GPC6: variants seen among roughly 807,000 people sequenced by gnomAD.
GPC6 encodes the protein glypican-6.
Under a neutral mutation model 55.2 loss-of-function variants are expected in GPC6, and 14 were observed. The ratio of observed to expected loss-of-function variants is 0.25; its 90% CI spans 0.17 to 0.40. The LOEUF is 0.40. Among genes scored for constraint, GPC6 ranks in the 10% least tolerant of loss-of-function variants. The probability of loss-of-function intolerance (pLI) is 1.00; values close to 1 mark genes in which losing one functional copy is unlikely to be tolerated. For missense variants in GPC6, 641 were observed against 708.5 expected, an observed-to-expected ratio of 0.90 and a Z score of 1.08; for synonymous variants, 278 against 259.6, an observed-to-expected ratio of 1.07 and a Z score of -0.68.
At chr13:93,916,135 G>T (rs1342685161) in intron 3 of GPC6, among the ~76,000 whole-genome samples, 1 of 152,102 alleles carries the variant, frequency 6.6e-6, no homozygotes, top group Non-Finnish European at 1.5e-5. Flanking sequence ...AGTAGCCAGT[G>T]CAGTGATGTG....
At chr13:93,441,148 C>A (rs1877782646) in intron 1 of GPC6, among the ~76,000 whole-genome samples, 1 of 152,126 alleles carries the variant, frequency 6.6e-6, no homozygotes, top group South Asian at 2.1e-4. Flanking sequence ...AGTGCCACAA[C>A]AAACATATGT....
At chr13:93,970,136 T>C (rs981497514) in intron 3 of GPC6, among the ~76,000 whole-genome samples, 1 of 152,184 alleles carries the variant, frequency 6.6e-6, no homozygotes, top group African/African-American at 2.4e-5. Context: ...TATTTATTCT[T>C]TTCGATTTTT....
At chr13:93,627,748 T>G (rs956563962) in intron 2 of GPC6, among the ~76,000 whole-genome samples, 7 of 152,238 alleles carry the variant, frequency 4.6e-5, no homozygotes, top group Non-Finnish European at 8.8e-5. Context: ...CTAGCTCCAA[T>G]TTTCCCATAA....
chr13:93,908,636 T>C (rs1876800256), intron 3 of GPC6, among the ~76,000 whole-genome samples: 1 of 152,194 alleles, frequency 6.6e-6, no homozygotes. Flanking sequence ...GAGTAACAAA[T>C]GCTGCCTCAA....
intron 2 of GPC6, among the ~76,000 whole-genome samples, chr13:93,699,220 G>A (rs1431755489): frequency 1.3e-5 from 2 of 152,052 alleles, no homozygotes; most frequent in East Asian, 3.9e-4. Flanking sequence ...CCAAGATTGC[G>A]AAGTTTAAGT....
At chr13:93,276,495 A>T (rs9523988) in intron 1 of GPC6, among the ~76,000 whole-genome samples, 22,991 of 93,720 alleles carry the variant, frequency 0.25, 2,417 homozygotes, top group Middle Eastern at 0.29. Context: ...AGAGAGAGAG[A>T]GTGTGTGTGT....
chr13:93,802,966 A>T (rs776052562), intron 2 of GPC6, among the ~76,000 whole-genome samples: 1 of 152,162 alleles, frequency 6.6e-6, no homozygotes, highest in Non-Finnish European at 1.5e-5. Flanking sequence ...GTCTGAAAAC[A>T]TGTTATTTTT....
At chr13:93,991,027 A>G (rs1157701289) in intron 3 of GPC6, among the ~76,000 whole-genome samples, 1 of 151,884 alleles carries the variant, frequency 6.6e-6, no homozygotes, top group African/African-American at 2.4e-5. Flanking sequence ...TATTTTACTG[A>G]TATTTTTAAA....
intron 4 of GPC6, among the ~76,000 whole-genome samples, chr13:94,215,114 A>T (rs868386619): frequency 6.6e-6 from 1 of 152,222 alleles, no homozygotes; most frequent in Non-Finnish European, 1.5e-5. Context: ...CATTACTTCT[A>T]AAGTTTCCTC....
intron 6 of GPC6, among the ~76,000 whole-genome samples, chr13:94,322,200 C>G (rs959798351): frequency 1.3e-5 from 2 of 152,164 alleles, no homozygotes; most frequent in African/African-American, 4.8e-5. Context: ...TAAGAGGTTT[C>G]CCCTTTTGCT....
At chr13:94,144,547 ATGTGTGTG>A (rs67016286) in intron 4 of GPC6, among the ~76,000 whole-genome samples, 55 of 148,112 alleles carry the variant, frequency 3.7e-4, no homozygotes, top group Middle Eastern at 3.4e-3. Context: ...GTGTGTGTGT[ATGTGTGTG>A]TGTGTGTGTG....
chr13:93,622,696 G>T lies in GPC6; in HGVS notation c.319+77275G>T, dbSNP rs74111510. 2.8e-3 allele frequency among the ~76,000 whole-genome samples: 426 copies of T among 152,198 alleles called. 3 individuals are homozygous for T. Among genetic ancestry groups the T allele is most frequent in the African/African-American group, 9.5e-3 (396 of 41,522 alleles). Reference sequence around the variant, plus strand: ...TAATGTTTTAATACATGTATACATTGTACCATGATCTAATCAGGGTAATTA... The same window carrying T: ...TAATGTTTTAATACATGTATACATTTTACCATGATCTAATCAGGGTAATTA... On this transcript the variant is annotated intron_variant, in intron 2 of 8. Transcript: ENST00000377047.
At chr13:94,055,426 G>A (rs1566344898) in intron 4 of GPC6, among the ~76,000 whole-genome samples, 1 of 152,004 alleles carries the variant, frequency 6.6e-6, no homozygotes, top group Non-Finnish European at 1.5e-5. Flanking sequence ...AATCACTACA[G>A]AAAGGACAAC....
chr13:93,422,532 C>G (rs1313906557), intron 1 of GPC6, among the ~76,000 whole-genome samples: 6 of 152,124 alleles, frequency 3.9e-5, no homozygotes, highest in Non-Finnish European at 8.8e-5. Flanking sequence ...CAAAAATCAC[C>G]TACAATCTAT....
chr13:93,678,537 T>C (rs893947193), intron 2 of GPC6, among the ~76,000 whole-genome samples: 1 of 152,176 alleles, frequency 6.6e-6, no homozygotes, highest in African/African-American at 2.4e-5. Flanking sequence ...CTACAAATGG[T>C]ACCAGTGTAT....
chr13:94,313,331 A>G (rs1392296857), intron 6 of GPC6, among the ~76,000 whole-genome samples: 1 of 152,194 alleles, frequency 6.6e-6, no homozygotes, highest in Non-Finnish European at 1.5e-5. Flanking sequence ...ATTCAATGGT[A>G]TGCACTGTTG....
chr13:93,875,375 T>A (rs1355614191), intron 3 of GPC6, among the ~76,000 whole-genome samples: 2 of 152,078 alleles, frequency 1.3e-5, no homozygotes, highest in African/African-American at 4.8e-5. Flanking sequence ...GGTTTGATGA[T>A]AACCACCACA....
chr13:93,356,929 C>T (rs920957673), intron 1 of GPC6, among the ~76,000 whole-genome samples: 3 of 152,174 alleles, frequency 2.0e-5, no homozygotes, highest in Non-Finnish European at 2.9e-5. Flanking sequence ...GATCATGGGT[C>T]ACCAGGCTAC....
intron 4 of GPC6, among the ~76,000 whole-genome samples, chr13:94,222,915 T>A (rs985955483): frequency 5.3e-5 from 8 of 152,130 alleles, no homozygotes; most frequent in Non-Finnish European, 1.5e-5. Flanking sequence ...ATGCTTTTTT[T>A]AACCCAGGTT....
Sources: gnomAD v4.1 joint callset for allele counts (sites outside exome capture counted in the v4.1 genomes callset) on GRCh38, gnomAD v4.1.1 for gene constraint, MANE v1.5 for transcripts, NCBI Gene and HGNC (gene_info 2026-07-23, HGNC 2026-07-21) for gene names.